Variants in NOTCH1 observed in about 807,000 individuals in gnomAD.
NOTCH1 encodes notch receptor 1.
Under a neutral mutation model 254.8 loss-of-function variants are expected in NOTCH1, and 37 were observed. The ratio of observed to expected loss-of-function variants is 0.15; its 90% CI spans 0.11 to 0.19. The LOEUF is 0.19. Among genes scored for constraint, NOTCH1 ranks in the 10% least tolerant of loss-of-function variants. The pLI is 1.00. For synonymous variants in NOTCH1, 1,731 were observed against 1,618.1 expected (o/e 1.07, Z -1.68); for missense variants, 2,972 against 3,708.6 (o/e 0.80, Z 5.16).
chr9:136,502,759 G>A (rs1221442557), intron 27 of NOTCH1: 3 of 567,100 alleles, frequency 5.3e-6, no homozygotes, highest in African/African-American at 1.9e-5. Flanking sequence ...ACTTCAAATC[G>A]CTGCACTCGC....
At position 136,506,774 on chromosome 9, in the gene NOTCH1, G is replaced by T. The variant is rs1284772949; in HGVS notation, c.3843C>A (p.Thr1281=). ...CATTGACGCGCTGCACGCAGTTCTG[G>T]GTGCCACGGGCGTCGCAGGGATTGG... is the stretch of plus-strand genomic sequence containing the variant. ...CLSNPCDARG[T]QNCVQRVNDF... The change falls in exon 23 of 34, where the codon ACC becomes ACA. Residue 1281 remains threonine (T), a synonymous_variant. Coordinates refer to ENST00000651671, the MANE Select transcript of NOTCH1 (RefSeq NM_017617.5). The surrounding 1 kb of genome is among the most constrained non-coding windows in gnomAD (Gnocchi z 4.5). The T allele has an allele frequency of 6.2e-7, 1 of 1,609,368 alleles. No individual in the cohort carries two copies. The highest frequency in any genetic ancestry group is 1.7e-5 in the Admixed American group (1 of 59,584).
In NOTCH1 at chr9:136,506,437, A is replaced by G; in HGVS notation, c.4014+90T>C. 4.5e-6 allele frequency: 5 copies of G among 1,119,168 alleles called. No individual in the cohort carries two copies. Among genetic ancestry groups the G allele is most frequent in the Non-Finnish European group, 6.5e-6 (5 of 769,964 alleles). The allele number at this position is 1,119,168 out of a possible 1,614,324, so 69.3% of individuals were successfully genotyped here. On this transcript the variant is annotated intron_variant, in intron 24 of 33. Transcript: ENST00000651671. This position sits in a 1 kb window ranked among gnomAD's most constrained non-coding sequence, Gnocchi z 4.5. ...GAGGAGGATGAAGGCCGGGAGGATC[A>G]CTGCCCGGTCTGCGCCCCGAGGCCC...
chr9:136,518,437 C>CA, intron 6 of NOTCH1, 145 bp from the exon 7 acceptor site: 5 of 1,198,912 alleles, frequency 4.2e-6, no homozygotes, highest in Non-Finnish European at 3.6e-6. Context: ...TGGGACGTTC[C>CA]GGGGGACTCA....
Position 136,525,726 on chromosome 9 carries a change from T to C in NOTCH1, c.141-1747A>G, listed in dbSNP as rs1175796692. Among the ~76,000 whole-genome samples, 8 of 152,312 alleles carry C rather than the reference T, an allele frequency of 5.3e-5. No homozygotes were observed. The East Asian group carries it at 1.5e-3, about 29-fold the overall frequency. On this transcript the variant is annotated intron_variant, in intron 2 of 33. Coordinates refer to ENST00000651671, the MANE Select transcript of NOTCH1 (RefSeq NM_017617.5). ...AGTGTCTCCAATCAAACCTGTGCTATGTGTGGCAGTGGCCTGGGGGGGCCT... is the reference window on the plus strand; with the variant it reads ...AGTGTCTCCAATCAAACCTGTGCTACGTGTGGCAGTGGCCTGGGGGGGCCT...
chr9:136,504,878 CCACGTTGGTGTGCAG>C lies in NOTCH1; in HGVS notation c.4798_4812del (p.Leu1600_Val1604del). 6.3e-7 allele frequency: 1 copy of C among 1,585,146 alleles called. No individual in the cohort carries two copies. The highest frequency in any genetic ancestry group is 8.6e-7 in the Non-Finnish European group (1 of 1,166,180). ...TGGCCGTGTGCGTCACGCTTGAAGA[CCACGTTGGTGTGCAG>C]CACGCGGCTGAGCTCCCGCAGGAAG... On this transcript the variant is annotated inframe_deletion, in exon 26 of 34. Coordinates refer to ENST00000651671, the MANE Select transcript of NOTCH1 (RefSeq NM_017617.5).
At chr9:136,544,212 C>T (rs1485238181) in intron 1 of NOTCH1, 110 bp from the exon 2 acceptor site, 1 of 1,020,640 alleles carries the variant, frequency 9.8e-7, no homozygotes, top group Non-Finnish European at 1.5e-6. Flanking sequence ...CATCGTCCGC[C>T]CCCTACCCCG....
intron 2 of NOTCH1, among the ~76,000 whole-genome samples, chr9:136,524,634 CTTTTCTT>C (rs1554730823): frequency 1.3e-3 from 171 of 127,690 alleles, no homozygotes; most frequent in Middle Eastern, 8.3e-3. Flanking sequence ...CTTTCTTTTT[CTTTTCTT>C]TTTTTTTTTT....
At chr9:136,507,573 T>C in intron 21 of NOTCH1, 136 bp from the exon 22 acceptor site, 1 of 1,255,806 alleles carries the variant, frequency 8.0e-7, no homozygotes, top group Non-Finnish European at 1.1e-6. Context: ...CCCTCGCTCC[T>C]GTCAGACCTG....
chr9:136,508,484 G>T (rs538092436), intron 19 of NOTCH1, 99 bp from the exon 20 acceptor site: 4 of 1,542,956 alleles, frequency 2.6e-6, no homozygotes, highest in Admixed American at 3.3e-5. Flanking sequence ...AACCCAGGCT[G>T]CAACCCATTC....
intron 26 of NOTCH1, among the ~76,000 whole-genome samples, chr9:136,504,003 C>T (rs549994520): frequency 2.6e-5 from 4 of 152,022 alleles, no homozygotes; most frequent in African/African-American, 4.8e-5. Context: ...GTTCTCCCAC[C>T]GTGGGACCCC....
In NOTCH1 at chr9:136,545,484, G is replaced by A. The variant is rs899883855; in HGVS notation, c.61+242C>T. ...CTCCGGGGCCCCAGCACCCCACACC[G>A]GCCTCCTAACTCGGCTCCAGGCACG... On this transcript the variant is annotated intron_variant, in intron 1 of 33. Coordinates refer to ENST00000651671, the MANE Select transcript of NOTCH1 (RefSeq NM_017617.5). The surrounding 1 kb of genome is among the most constrained non-coding windows in gnomAD (Gnocchi z 6.8). 2.6e-5 allele frequency among the ~76,000 whole-genome samples: 4 copies of A among 151,794 alleles called. No homozygotes were observed. Among genetic ancestry groups the A allele is most frequent in the South Asian group, 2.1e-4 (1 of 4,822 alleles).
chr9:136,501,911 G>C lies in NOTCH1; in HGVS notation c.5475C>G (p.Phe1825Leu), dbSNP rs778371465. 5 of 1,611,498 alleles carry C rather than the reference G, an allele frequency of 3.1e-6. No homozygotes were observed. Among genetic ancestry groups the C allele is most frequent in the Non-Finnish European group, 4.2e-6 (5 of 1,179,962 alleles). Reference protein sequence around the residue: ...DEDLETKKFRFEEPVVLPDLD... With the variant: ...DEDLETKKFRLEEPVVLPDLD... ...GGTCAGGCAGAACCACGGGCTCCTC[G>C]AACTACATAGAGGGAGTGAGCAGAG... is the stretch of plus-strand genomic sequence containing the variant. The change falls in exon 30 of 34, where the codon TTC becomes TTG. Residue 1825 changes from phenylalanine (F) to leucine (L), a missense_variant and splice_region_variant. This residue lies in a region of NOTCH1 where 421 missense variants were observed against 604.4 expected (regional missense o/e 0.70). Coordinates refer to ENST00000651671, the MANE Select transcript of NOTCH1 (RefSeq NM_017617.5).
chr9:136,524,169 C>T (rs1180788768), intron 2 of NOTCH1, among the ~76,000 whole-genome samples, 190 bp from the exon 3 acceptor site: 1 of 152,216 alleles, frequency 6.6e-6, no homozygotes, highest in Non-Finnish European at 1.5e-5. Flanking sequence ...CGCGATTGCA[C>T]AACTTTGGGA....
rs2133313274 is a variant in NOTCH1 at position 136,495,946 on chromosome 9, GTTC to G, written c.*122_*124del. 2.9e-6 allele frequency: 3 copies of G among 1,039,460 alleles called. No homozygotes were observed. The highest frequency in any genetic ancestry group is 1.7e-5 in the South Asian group (1 of 60,000). The allele number at this position is 1,039,460 out of a possible 1,614,324, so 64.4% of individuals were successfully genotyped here. On this transcript the variant is annotated 3_prime_UTR_variant, in exon 34 of 34. Transcript: ENST00000651671. ...AATACTAAAAAAAATTAAAATCCTC[GTTC>G]TTATTTTGTATAAAAACATGTGTTT... is the stretch of plus-strand genomic sequence containing the variant.
At position 136,519,504 on chromosome 9, in the gene NOTCH1, G is replaced by A. The variant is rs774222164; in HGVS notation, c.804C>T (p.Asn268=). ...TCACGCCGTCCACACAGGCACCCCC[G>A]TTCTTGCAGTTGTTTCCTGGACAAT... ...IDDCPGNNCK[N]GGACVDGVNT... Residue 268 remains asparagine, a synonymous_variant, in exon 5 of 34, where the codon AAC becomes AAT. Transcript: ENST00000651671. 105 of 1,612,904 alleles carry A rather than the reference G, an allele frequency of 6.5e-5. 2 individuals carry two copies. In the South Asian group the frequency reaches 8.3e-4, roughly 13 times the overall value.
chr9:136,499,541 G>A (rs1185881210), intron 31 of NOTCH1, among the ~76,000 whole-genome samples: 1 of 152,208 alleles, frequency 6.6e-6, no homozygotes, highest in Non-Finnish European at 1.5e-5. Context: ...GGTCCTAGCT[G>A]CCATGACCAC....
intron 2 of NOTCH1, among the ~76,000 whole-genome samples, chr9:136,529,761 C>T (rs1843528651): frequency 6.6e-6 from 1 of 152,262 alleles, no homozygotes; most frequent in East Asian, 1.9e-4. Context: ...CCTTTCTGCT[C>T]CCGGCTTCCT....
chr9:136,522,700 C>T (rs1843391503), intron 4 of NOTCH1, 150 bp downstream of exon 4: 1 of 742,286 alleles, frequency 1.3e-6, no homozygotes, highest in East Asian at 2.8e-5. Context: ...CCCGACACCA[C>T]ACGCAGTCTG....
chr9:136,520,784 T>C (rs1407354135), intron 4 of NOTCH1, among the ~76,000 whole-genome samples: 2 of 150,678 alleles, frequency 1.3e-5, no homozygotes, highest in Non-Finnish European at 2.9e-5. Context: ...GTCCCACTCA[T>C]GTGTGGGGCC....
Sources: gnomAD v4.1 joint callset for allele counts (sites outside exome capture counted in the v4.1 genomes callset) on GRCh38, gnomAD v4.1.1 for gene constraint, gnomAD v4.1.1 regional missense constraint, Gnocchi (gnomAD v3.1) non-coding constraint, MANE v1.5 for transcripts, NCBI Gene and HGNC (gene_info 2026-07-23, HGNC 2026-07-21) for gene names.